LILRA4: variants seen among roughly 807,000 people sequenced by gnomAD.
LILRA4 encodes leukocyte immunoglobulin-like receptor subfamily A member 4.
A neutral mutation model predicts 49.5 loss-of-function variants in LILRA4; 51 were observed. The observed-to-expected ratio is 1.03, with a 90% CI of 0.82 to 1.30. The LOEUF is 1.30. Among genes scored for constraint, LILRA4 ranks in the 50% most tolerant of loss-of-function variants. The pLI, the probability that LILRA4 is intolerant of heterozygous loss-of-function variation, is 0.00. For missense variants in LILRA4, 624 were observed against 625.6 expected (o/e 1.00, Z 0.03); for synonymous variants, 272 against 265.6 (o/e 1.02, Z -0.23).
At position 54,333,411 on chromosome 19, in the gene LILRA4, G is replaced by T; in HGVS notation, c.*161C>A. 1.4e-6 allele frequency: 1 copy of T among 696,530 alleles called. No individual in the cohort carries two copies. Among genetic ancestry groups the T allele is most frequent in the Non-Finnish European group, 2.4e-6 (1 of 418,578 alleles). The allele number at this position is 696,530 out of a possible 1,614,324, so 43.1% of individuals were successfully genotyped here. A position where few individuals can be genotyped will look rare whatever the true frequency, so the allele number is the denominator to read the frequency against. ...AAACGAAGGAAGGGGCAGTCAAGGAGAGTCGACAATGAGGAGGAAAGCACC... is the reference window on the plus strand; with the variant it reads ...AAACGAAGGAAGGGGCAGTCAAGGATAGTCGACAATGAGGAGGAAAGCACC... On this transcript the variant is annotated 3_prime_UTR_variant, in exon 8 of 8. Coordinates refer to ENST00000291759, the MANE Select transcript of LILRA4 (RefSeq NM_012276.5).
At position 54,338,216 on chromosome 19, in the gene LILRA4, C is replaced by T; in HGVS notation, c.375G>A (p.Leu125=). ...TCACCACAGGGCTTGGCAGTGCGGA[C>T]AGGGTGGGTCTGCTGTAGGCTTTCA... ...LVVTAYSRPT[L]SALPSPVVTS... Residue 125 remains leucine (L), a synonymous_variant, in exon 4 of 8, where the codon CTG becomes CTA. Transcript: ENST00000291759. The T allele has an allele frequency of 1.2e-6, 2 of 1,611,690 alleles. No homozygotes were observed. Among genetic ancestry groups the T allele is most frequent in the Non-Finnish European group, 1.7e-6 (2 of 1,178,264 alleles).
rs568233308 is a variant in LILRA4, at chr19:54,336,716, G to A, written c.1255+125C>T. 249 of 1,420,506 alleles carry A rather than the reference G, an allele frequency of 1.8e-4. No homozygotes were observed. The South Asian group carries it at 3.0e-3, about 17-fold the overall frequency. The allele number at this position is 1,420,506 out of a possible 1,614,324, so 88.0% of individuals were successfully genotyped here. ...GAGAGGCTCAGGGCTCACAAAGGCCGGGGCTGATGGAGGAAGAAGTGGGGC... is the reference window on the plus strand; with the variant it reads ...GAGAGGCTCAGGGCTCACAAAGGCCAGGGCTGATGGAGGAAGAAGTGGGGC... On this transcript the variant is annotated intron_variant, in intron 6 of 7. Coordinates refer to ENST00000291759, the MANE Select transcript of LILRA4 (RefSeq NM_012276.5).
rs796812486 is a variant in LILRA4, at chr19:54,337,830, T to C, written c.655+106A>G. 32 of 1,446,746 alleles carry C rather than the reference T, an allele frequency of 2.2e-5. No individual in the cohort carries two copies. In the African/African-American group the frequency reaches 4.1e-4, roughly 19 times the overall value. The allele number at this position is 1,446,746 out of a possible 1,614,324, so 89.6% of individuals were successfully genotyped here. A position where few individuals can be genotyped will look rare whatever the true frequency, so the allele number is the denominator to read the frequency against. On this transcript the variant is annotated intron_variant, in intron 4 of 7. Coordinates refer to ENST00000291759, the MANE Select transcript of LILRA4 (RefSeq NM_012276.5). Reference sequence around the variant, plus strand: ...TGTATTTGTGTCCCCAGGGCCCCCATCTTCCCCTCATCTTTTCTTCTTGCG... The same window carrying C: ...TGTATTTGTGTCCCCAGGGCCCCCACCTTCCCCTCATCTTTTCTTCTTGCG...
chr19:54,333,336 G>T lies in LILRA4; in HGVS notation c.*236C>A. On this transcript the variant is annotated 3_prime_UTR_variant, in exon 8 of 8. Coordinates refer to ENST00000291759, the MANE Select transcript of LILRA4 (RefSeq NM_012276.5). ...GGAGCAGAGCATGAGGTCACAGAGG[G>T]GCGGACCCAAACCCACCATAGGGGT... The T allele has an allele frequency of 1.8e-6, 1 of 565,298 alleles. No individual in the cohort carries two copies. Among genetic ancestry groups the T allele is most frequent in the Non-Finnish European group, 3.1e-6 (1 of 323,252 alleles). 35.0% of individuals were successfully genotyped at this position (565,298 alleles called of 1,614,324 possible). A position where few individuals can be genotyped will look rare whatever the true frequency, so the allele number is the denominator to read the frequency against.
At chr19:54,336,724 T>C in intron 6 of LILRA4, 117 bp downstream of exon 6, 2 of 1,434,332 alleles carry the variant, frequency 1.4e-6, no homozygotes, top group Non-Finnish European at 1.9e-6. Flanking sequence ...CCGGGGCTGA[T>C]GGAGGAAGAA....
rs764214197 is a variant in LILRA4 at position 54,338,719 on chromosome 19, A to G, written c.71-39T>C. ...ACAGGTTAGGTCCCAAGATGTCCTC[A>G]ACCCTCAGATCCCAGCTCTCAGCCC... On this transcript the variant is annotated intron_variant, in intron 2 of 7. Transcript: ENST00000291759. 154 of 1,593,360 alleles carry G rather than the reference A, an allele frequency of 9.7e-5. No individual in the cohort carries two copies. The Admixed American group carries it at 2.6e-3, about 27-fold the overall frequency.
rs548638637 is a variant in LILRA4 at position 54,338,540 on chromosome 19, T to C, written c.211A>G (p.Ile71Val). Residue 71 changes from isoleucine to valine, a missense_variant, in exon 3 of 8, where the codon ATA (isoleucine) becomes GTA (valine). Transcript: ENST00000291759. ...DKEGNSMSRH[I>V]LKTLESENKV... ...TTTTCAGACTCCAGTGTTTTTAATA[T>C]GTGCCTCGACATTGAGTTTCCCTCT... is the stretch of plus-strand genomic sequence containing the variant. The C allele has an allele frequency of 1.2e-6, 2 of 1,614,168 alleles. No homozygotes were observed. The highest frequency in any genetic ancestry group is 1.7e-5 in the Admixed American group (1 of 60,022).
At chr19:54,336,147 C>G (rs1452560474) in intron 6 of LILRA4, 1 of 152,502 alleles carries the variant, frequency 6.6e-6, no homozygotes, top group Non-Finnish European at 1.5e-5. Context: ...CCCCTCTGAC[C>G]ACCACAGAGG....
intron 1 of LILRA4, 38 bp downstream of exon 1, chr19:54,339,022 C>T (rs766927081): frequency 5.6e-6 from 9 of 1,613,736 alleles, no homozygotes; most frequent in Non-Finnish European, 5.9e-6. Context: ...GGTCTCTCTC[C>T]TAGACTAGGG....
chr19:54,338,957 C>G, intron 1 of LILRA4, 56 bp from the exon 2 acceptor site: 1 of 1,613,514 alleles, frequency 6.2e-7, no homozygotes, highest in Non-Finnish European at 8.5e-7. Flanking sequence ...AGGTCTTCTT[C>G]TTTTCCTTGA....
chr19:54,335,890 T>A (rs2081318275), intron 6 of LILRA4: 1 of 152,238 alleles, frequency 6.6e-6, no homozygotes, highest in South Asian at 2.1e-4. Context: ...GTTTTTAAAG[T>A]ATATATGTAA....
At chr19:54,338,927 T>C in intron 1 of LILRA4, 26 bp from the exon 2 acceptor site, 1 of 1,614,078 alleles carries the variant, frequency 6.2e-7, no homozygotes, top group Non-Finnish European at 8.5e-7. Context: ...CTGTGAGAGA[T>C]TTGCCTCCGA....
At position 54,338,849 on chromosome 19, in the gene LILRA4, G is replaced by T; in HGVS notation, c.70+17C>A. On this transcript the variant is annotated intron_variant, in intron 2 of 7. Transcript: ENST00000291759. Reference sequence around the variant, plus strand: ...CAGAGAGGAGGAGGGACCTAGGACAGCTGGGGACAGACTCACCTGCCTGCA... The same window carrying T: ...CAGAGAGGAGGAGGGACCTAGGACATCTGGGGACAGACTCACCTGCCTGCA... 3 of 1,614,040 alleles carry T rather than the reference G, an allele frequency of 1.9e-6. No homozygotes were observed. Among genetic ancestry groups the T allele is most frequent in the Non-Finnish European group, 2.5e-6 (3 of 1,179,970 alleles).
chr19:54,334,090 T>C (rs2081299452), intron 6 of LILRA4, 125 bp from the exon 7 acceptor site: 1 of 761,804 alleles, frequency 1.3e-6, no homozygotes, highest in Non-Finnish European at 2.2e-6. Context: ...ACACATTCTC[T>C]GCTCTCACAG....
Position 54,333,570 on chromosome 19 carries a change from C to A in LILRA4, c.*2G>T, listed in dbSNP as rs141261496. 6.9e-5 allele frequency: 112 copies of A among 1,613,878 alleles called. No individual in the cohort carries two copies. In the African/African-American group the frequency reaches 1.3e-3, roughly 18 times the overall value. ...CCAGTCTTCCAGAACCTCCTCAGAT[C>A]ATCAGATCTGTTCCCAAGGCTCCAC... On this transcript the variant is annotated 3_prime_UTR_variant, in exon 8 of 8. Transcript: ENST00000291759.
chr19:54,333,295 T>A lies in LILRA4; in HGVS notation c.*277A>T, dbSNP rs948411831. 3 of 509,684 alleles carry A rather than the reference T, an allele frequency of 5.9e-6. No homozygotes were observed. The highest frequency in any genetic ancestry group is 1.0e-5 in the Non-Finnish European group (3 of 291,152). The allele number at this position is 509,684 out of a possible 1,614,324, so 31.6% of individuals were successfully genotyped here. On this transcript the variant is annotated 3_prime_UTR_variant, in exon 8 of 8. Coordinates refer to ENST00000291759, the MANE Select transcript of LILRA4 (RefSeq NM_012276.5). ...TGCAGTAGTTAGAAATAAAGAAAGGTGTATTACCTGAAAGTGGAGCAGAGC... is the reference window on the plus strand; with the variant it reads ...TGCAGTAGTTAGAAATAAAGAAAGGAGTATTACCTGAAAGTGGAGCAGAGC...
At position 54,338,525 on chromosome 19, in the gene LILRA4, C is replaced by G. The variant is rs2081357712; in HGVS notation, c.226G>C (p.Glu76Gln). The G allele has an allele frequency of 1.2e-6, 2 of 1,614,022 alleles. No homozygotes were observed. Among genetic ancestry groups the G allele is most frequent in the South Asian group, 2.2e-5 (2 of 91,092 alleles). ...SMSRHILKTLESENKVKLSIP... is the reference protein window; with the variant it reads ...SMSRHILKTLQSENKVKLSIP... ...GAGAGTTTGACCTTGTTTTCAGACT[C>G]CAGTGTTTTTAATATGTGCCTCGAC... Residue 76 changes from glutamate to glutamine, a missense_variant, in exon 3 of 8, where the codon GAG (glutamate) becomes CAG (glutamine). Transcript: ENST00000291759.
At position 54,333,403 on chromosome 19, in the gene LILRA4, G is replaced by A. The variant is rs1443164531; in HGVS notation, c.*169C>T. 1 of 686,842 alleles carries A rather than the reference G, an allele frequency of 1.5e-6. No individual in the cohort carries two copies. The highest frequency in any genetic ancestry group is 2.4e-6 in the Non-Finnish European group (1 of 411,556). 42.5% of individuals were successfully genotyped at this position (686,842 alleles called of 1,614,324 possible). ...GGGAAGAAAAACGAAGGAAGGGGCA[G>A]TCAAGGAGAGTCGACAATGAGGAGG... On this transcript the variant is annotated 3_prime_UTR_variant, in exon 8 of 8. Coordinates refer to ENST00000291759, the MANE Select transcript of LILRA4 (RefSeq NM_012276.5).
chr19:54,334,161 G>A (rs966016619), intron 6 of LILRA4, 196 bp from the exon 7 acceptor site: 6 of 564,380 alleles, frequency 1.1e-5, no homozygotes, highest in East Asian at 2.8e-5. Context: ...TTCAGATCTT[G>A]TGCCTGAGTC....
Sources: gnomAD v4.1 joint callset for allele counts on GRCh38, gnomAD v4.1.1 for gene constraint, MANE v1.5 for transcripts, NCBI Gene and HGNC (gene_info 2026-07-23, HGNC 2026-07-21) for gene names.